Variants in ZNF638 observed in about 807,000 individuals in gnomAD.
The protein encoded by ZNF638 is zinc finger protein 638, also known as CTCL tumor antigen se33-1.
In ZNF638, 46 loss-of-function variants were observed where a neutral mutation model predicts 195.6. The observed-to-expected ratio is 0.24, with a 90% confidence interval of 0.19 to 0.30. The LOEUF is 0.30. Ranked by LOEUF, ZNF638 falls within the 10% of genes least tolerant of loss-of-function variation. The pLI is 1.00. For missense variants in ZNF638, 2,440 were observed against 2,325.3 expected (o/e 1.05, Z -1.01); for synonymous variants, 845 against 772.0 (o/e 1.09, Z -1.57).
intron 1 of ZNF638, among the ~76,000 whole-genome samples, chr2:71,333,770 C>T (rs912181688): frequency 3.9e-5 from 6 of 152,092 alleles, no homozygotes; most frequent in Non-Finnish European, 5.9e-5. Context: ...TTCCTTATCT[C>T]TAAAATGGTG....
chr2:71,402,155 C>A (rs944902746), intron 16 of ZNF638, 68 bp downstream of exon 16: 2 of 1,478,844 alleles, frequency 1.4e-6, no homozygotes, highest in Admixed American at 2.4e-5. Context: ...ATTAAATTTA[C>A]AAAACTAAAA....
At chr2:71,398,208 T>C (rs2079934658) in intron 11 of ZNF638, among the ~76,000 whole-genome samples, 1 of 152,186 alleles carries the variant, frequency 6.6e-6, no homozygotes, top group South Asian at 2.1e-4. Context: ...TTTCAGATTT[T>C]GGAATATTTG....
At chr2:71,364,833 C>T (rs963661109) in intron 5 of ZNF638, among the ~76,000 whole-genome samples, 5 of 152,292 alleles carry the variant, frequency 3.3e-5, no homozygotes, top group Admixed American at 6.5e-5. Context: ...GCCCAAGGAT[C>T]GATTGGGGTC....
rs11374629 is a variant in ZNF638, at chr2:71,419,962, A to ACCC, written c.3299+1330_3299+1332dup. Among the ~76,000 whole-genome samples, 143 of 28,474 alleles carry ACCC rather than the reference A, an allele frequency of 5.0e-3. 2 individuals are homozygous for ACCC. Among genetic ancestry groups the ACCC allele is most frequent in the East Asian group, 0.017 (4 of 236 alleles). 18.7% of individuals were successfully genotyped at this position (28,474 alleles called of 152,430 possible). ...TAGCACCAAAAACTTCTTAATTCCC[A>ACCC]CCCCCCCCCGCCTTTTTTTTTTTTT... On this transcript the variant is annotated intron_variant, in intron 21 of 27. Transcript: ENST00000264447.
Position 71,406,278 on chromosome 2 carries a change from A to G in ZNF638, c.3135+16A>G, listed in dbSNP as rs370558435. 5.4e-5 allele frequency: 87 copies of G among 1,605,632 alleles called. No individual in the cohort carries two copies. The highest frequency in any genetic ancestry group is 7.1e-5 in the Non-Finnish European group (83 of 1,172,622). ...TAGAAACAAGGTAACAAGTTCCCTC[A>G]TAATTTAGCTATTCATTCTGTAAAG... On this transcript the variant is annotated intron_variant, in intron 19 of 27. Coordinates refer to ENST00000264447, the MANE Select transcript of ZNF638 (RefSeq NM_014497.5).
intron 20 of ZNF638, chr2:71,408,633 GT>G (rs2080151179): frequency 2.7e-5 from 9 of 328,244 alleles, no homozygotes; most frequent in South Asian, 1.3e-4. Flanking sequence ...ATTATAAACT[GT>G]TTTTGTGTTA....
Position 71,431,388 on chromosome 2 carries a change from CTCT to C in ZNF638, c.5718_5720del (p.Ser1907del). 6.2e-7 allele frequency: 1 copy of C among 1,613,988 alleles called. No individual in the cohort carries two copies. Among genetic ancestry groups the C allele is most frequent in the Non-Finnish European group, 8.5e-7 (1 of 1,179,898 alleles). ...AGCGAAAACGCAAGAAGACTGAAGA[CTCT>C]TCTTCAGGCAAATCAGTGGCGTCTG... On this transcript the variant is annotated inframe_deletion, in exon 26 of 28. Transcript: ENST00000264447.
In ZNF638 at chr2:71,423,851, G is replaced by T. The variant is rs139893661; in HGVS notation, c.4337G>T (p.Arg1446Met). The change falls in exon 22 of 28, where the codon AGG becomes ATG. Residue 1446 changes from arginine (R) to methionine (M), a missense_variant. Arg to Met is a moderately conservative substitution (Grantham distance 91). Coordinates refer to ENST00000264447, the MANE Select transcript of ZNF638 (RefSeq NM_014497.5). ...EFGLLKPTSA[R>M]SGLAESSSKF... Reference sequence around the variant, plus strand: ...GGTCTGCTTAAACCCACAAGTGCCAGGTCAGGCTTGGCAGAAAGCAGCAGT... The same window carrying T: ...GGTCTGCTTAAACCCACAAGTGCCATGTCAGGCTTGGCAGAAAGCAGCAGT... 22 of 1,614,034 alleles carry T rather than the reference G, an allele frequency of 1.4e-5. No individual in the cohort carries two copies. In the African/African-American group the frequency reaches 2.8e-4, roughly 21 times the overall value.
chr2:71,405,624 A>G lies in ZNF638; in HGVS notation c.2982A>G (p.Val994=), dbSNP rs763720566. ...AGGAAGCTATATTTATAACCTTGGT[A>G]AAAGAAAATGACCCAGAGGTAAGTT... ...KDEEAIFITL[V]KENDPEANID... Residue 994 remains valine (V), a synonymous_variant, in exon 18 of 28, where the codon GTA becomes GTG. Coordinates refer to ENST00000264447, the MANE Select transcript of ZNF638 (RefSeq NM_014497.5). The G allele has an allele frequency of 1.3e-6, 2 of 1,571,682 alleles. No individual in the cohort carries two copies. The highest frequency in any genetic ancestry group is 2.3e-5 in the South Asian group (2 of 85,950).
chr2:71,348,341 C>T (rs2078886659), intron 1 of ZNF638: 1 of 920,254 alleles, frequency 1.1e-6, no homozygotes, highest in Non-Finnish European at 1.3e-6. Flanking sequence ...ACAGTTCTTA[C>T]TTTCATTATT....
chr2:71,339,958 T>C (rs1454550267), intron 1 of ZNF638, among the ~76,000 whole-genome samples: 1 of 152,196 alleles, frequency 6.6e-6, no homozygotes. Context: ...CACATGCTCC[T>C]AAGAAATAAA....
At chr2:71,433,999 A>G (rs1378760635) in intron 27 of ZNF638, among the ~76,000 whole-genome samples, 1 of 152,196 alleles carries the variant, frequency 6.6e-6, no homozygotes, top group African/African-American at 2.4e-5. Context: ...ATTTCATTCT[A>G]GGCCCAAGCT....
chr2:71,358,124 A>G (rs1215350668), intron 3 of ZNF638, among the ~76,000 whole-genome samples: 1 of 152,070 alleles, frequency 6.6e-6, no homozygotes, highest in Non-Finnish European at 1.5e-5. Flanking sequence ...TATCATTCCT[A>G]TCTCTGCTAC....
intron 1 of ZNF638, among the ~76,000 whole-genome samples, chr2:71,338,604 C>T (rs2078711803): frequency 6.6e-6 from 1 of 152,300 alleles, no homozygotes; most frequent in Non-Finnish European, 1.5e-5. Context: ...ATTCGTTATT[C>T]TTCTCTTTCC....
chr2:71,357,567 T>C (rs929940126), intron 3 of ZNF638, among the ~76,000 whole-genome samples: 4 of 152,214 alleles, frequency 2.6e-5, no homozygotes, highest in African/African-American at 4.8e-5. Flanking sequence ...GAGTTACTTA[T>C]TTTAGAGAGT....
chr2:71,403,471 T>A (rs2080045816), intron 16 of ZNF638, among the ~76,000 whole-genome samples: 1 of 152,196 alleles, frequency 6.6e-6, no homozygotes, highest in Non-Finnish European at 1.5e-5. Flanking sequence ...GGTTTTTTCA[T>A]GTCTCATATT....
rs1254500596 is a variant in ZNF638 at position 71,350,242 on chromosome 2, C to T, written c.1288C>T (p.Leu430=). ...SPRIFPHLCS[L]CNVECSHLKD... ...AAGAATATTTCCACATTTGTGTTCT[C>T]TGTGTAACGTAGAATGTAGTCATTT... The change falls in exon 2 of 28, where the codon CTG becomes TTG. Residue 430 remains leucine (L), a synonymous_variant. Coordinates refer to ENST00000264447, the MANE Select transcript of ZNF638 (RefSeq NM_014497.5). 4 of 1,602,454 alleles carry T rather than the reference C, an allele frequency of 2.5e-6. No individual in the cohort carries two copies. The highest frequency in any genetic ancestry group is 2.2e-5 in the East Asian group (1 of 44,874).
intron 10 of ZNF638, chr2:71,395,213 C>A: frequency 1.4e-6 from 1 of 717,118 alleles, no homozygotes; most frequent in East Asian, 2.7e-5. Context: ...ACTAATTATA[C>A]TCATGTTTGT....
In ZNF638 at chr2:71,400,138, G is replaced by T; in HGVS notation, c.2614G>T (p.Glu872Ter). The T allele has an allele frequency of 6.2e-7, 1 of 1,609,462 alleles. No homozygotes were observed. The highest frequency in any genetic ancestry group is 1.1e-5 in the South Asian group (1 of 89,982). ...AAACTCTGAAATAAAGACCAGTATTGAAGTCAAAGCCACTGAAAACTGTGC... is the reference window on the plus strand; with the variant it reads ...AAACTCTGAAATAAAGACCAGTATTTAAGTCAAAGCCACTGAAAACTGTGC... Reference protein sequence around the residue: ...PENSEIKTSIEVKATENCAKE... With the variant: ...PENSEIKTSI Residue 872 changes from glutamate (E) to a stop codon, truncating the protein, a stop_gained, in exon 14 of 28, where the codon GAA becomes TAA. Coordinates refer to ENST00000264447, the MANE Select transcript of ZNF638 (RefSeq NM_014497.5). LOFTEE classifies it high-confidence loss of function.
Sources: allele counts gnomAD v4.1 joint callset (sites outside exome capture counted in the v4.1 genomes callset), GRCh38; gene constraint gnomAD v4.1.1; transcripts MANE v1.5; gene names NCBI Gene and HGNC (gene_info 2026-07-23, HGNC 2026-07-21).